Variants in PTPRD observed in about 807,000 individuals in gnomAD.
The protein encoded by PTPRD is receptor-type tyrosine-protein phosphatase delta.
Under a neutral mutation model 214.5 loss-of-function variants are expected in PTPRD, and 34 were observed. The observed-to-expected ratio is 0.16, with a 90% CI of 0.12 to 0.21. PTPRD has a LOEUF of 0.21. Among genes scored for constraint, PTPRD ranks in the 10% least tolerant of loss-of-function variants. The pLI is 1.00. For synonymous variants in PTPRD, 1,128 were observed against 845.7 expected (o/e 1.33, Z -5.79); for missense variants, 2,545 against 2,398.7 (o/e 1.06, Z -1.27).
chr9:9,266,553 C>T (rs1939798611), intron 9 of PTPRD, among the ~76,000 whole-genome samples: 2 of 150,818 alleles, frequency 1.3e-5, no homozygotes, highest in Non-Finnish European at 3.0e-5. Context: ...CAAGCATCTT[C>T]ACTGACCACC....
At chr9:10,097,124 T>A (rs917922690) in intron 3 of PTPRD, among the ~76,000 whole-genome samples, 16 of 148,166 alleles carry the variant, frequency 1.1e-4, no homozygotes, top group Non-Finnish European at 2.1e-4. Context: ...AGTACCATGC[T>A]GTTTTGGTTA....
chr9:10,363,997 T>G (rs112528619), intron 2 of PTPRD, among the ~76,000 whole-genome samples: 143 of 31,208 alleles, frequency 4.6e-3, no homozygotes, highest in Non-Finnish European at 0.013. Flanking sequence ...TCGGGTTTTT[T>G]TTTTTTTTTT....
intron 21 of PTPRD, 100 bp downstream of exon 21, chr9:8,517,748 A>T: frequency 9.5e-7 from 1 of 1,048,136 alleles, no homozygotes; most frequent in Non-Finnish European, 1.4e-6. Flanking sequence ...CTCAAAAATT[A>T]AAATTCATAC....
intron 39 of PTPRD, among the ~76,000 whole-genome samples, chr9:8,364,796 C>A (rs2079390272): frequency 6.6e-6 from 1 of 152,240 alleles, no homozygotes; most frequent in Non-Finnish European, 1.5e-5. Flanking sequence ...ATTCAGGGTG[C>A]TCCCTGGCTA....
At chr9:8,650,965 C>T (rs2096795436) in intron 12 of PTPRD, among the ~76,000 whole-genome samples, 1 of 151,820 alleles carries the variant, frequency 6.6e-6, no homozygotes, top group African/African-American at 2.4e-5. Flanking sequence ...CAAATATTCT[C>T]ATTCAGTATC....
chr9:10,595,726 T>A (rs1283744939), intron 2 of PTPRD, among the ~76,000 whole-genome samples: 1 of 151,714 alleles, frequency 6.6e-6, no homozygotes, highest in Non-Finnish European at 1.5e-5. Context: ...CCAAAGCACA[T>A]CTTAAAGTGG....
Position 9,125,093 on chromosome 9 carries a change from C to A in PTPRD, c.-143+58211G>T, listed in dbSNP as rs1238949795. On this transcript the variant is annotated intron_variant, in intron 10 of 45. Transcript: ENST00000381196. ...AGCTTCTCAGTCTAACAGAAAAAGACAAATGTAAAAAGAAAAAAACCCATG... is the reference window on the plus strand; with the variant it reads ...AGCTTCTCAGTCTAACAGAAAAAGAAAAATGTAAAAAGAAAAAAACCCATG... Among the ~76,000 whole-genome samples, 6 of 152,078 alleles carry A rather than the reference C, an allele frequency of 3.9e-5. No homozygotes were observed. The East Asian group carries it at 1.2e-3, about 29-fold the overall frequency.
chr9:9,392,705 C>T (rs2066294834), intron 9 of PTPRD, among the ~76,000 whole-genome samples: 1 of 152,134 alleles, frequency 6.6e-6, no homozygotes, highest in African/African-American at 2.4e-5. Context: ...TTCTATAATG[C>T]ATTTCTTCTT....
At chr9:9,376,597 C>G (rs774153157) in intron 9 of PTPRD, among the ~76,000 whole-genome samples, 90 of 152,130 alleles carry the variant, frequency 5.9e-4, no homozygotes, top group South Asian at 1.9e-3. Context: ...TGAAACATTT[C>G]CTAAACACTG....
chr9:8,998,189 A>T (rs1351946417), intron 11 of PTPRD, among the ~76,000 whole-genome samples: 1 of 152,100 alleles, frequency 6.6e-6, no homozygotes, highest in East Asian at 1.9e-4. Flanking sequence ...AATGCAGACA[A>T]ACAGGCTTCT....
At chr9:10,583,116 G>T (rs547779083) in intron 2 of PTPRD, among the ~76,000 whole-genome samples, 1 of 152,304 alleles carries the variant, frequency 6.6e-6, no homozygotes, top group South Asian at 2.1e-4. Flanking sequence ...GGGTGATGCA[G>T]CAGTTAGAAC....
At chr9:9,628,095 C>T (rs761200925) in intron 7 of PTPRD, among the ~76,000 whole-genome samples, 5 of 152,190 alleles carry the variant, frequency 3.3e-5, no homozygotes, top group South Asian at 2.1e-4. Flanking sequence ...TTGTTTCTCA[C>T]AGATTTGCCT....
At chr9:9,295,540 G>T (rs1024379532) in intron 9 of PTPRD, among the ~76,000 whole-genome samples, 4 of 151,760 alleles carry the variant, frequency 2.6e-5, no homozygotes, top group South Asian at 2.1e-4. Context: ...ATACTTTATT[G>T]CAAGGGTAGC....
At chr9:8,979,520 G>A (rs2099294581) in intron 11 of PTPRD, among the ~76,000 whole-genome samples, 2 of 151,992 alleles carry the variant, frequency 1.3e-5, no homozygotes, top group Non-Finnish European at 2.9e-5. Flanking sequence ...AATTTATAAA[G>A]AACTCTTACA....
chr9:9,802,593 A>G (rs2099048063), intron 5 of PTPRD, among the ~76,000 whole-genome samples: 1 of 151,840 alleles, frequency 6.6e-6, no homozygotes, highest in Non-Finnish European at 1.5e-5. Flanking sequence ...TTTGTGGGAA[A>G]GCTTAGCCAT....
At chr9:10,299,160 A>G (rs1404676897) in intron 3 of PTPRD, among the ~76,000 whole-genome samples, 1 of 152,150 alleles carries the variant, frequency 6.6e-6, no homozygotes, top group Non-Finnish European at 1.5e-5. Context: ...TTTAATATTC[A>G]CATTTTAAAA....
At chr9:8,826,078 T>C (rs2097169302) in intron 11 of PTPRD, among the ~76,000 whole-genome samples, 1 of 152,144 alleles carries the variant, frequency 6.6e-6, no homozygotes, top group Admixed American at 6.5e-5. Flanking sequence ...GTTGCTCTGG[T>C]TCACAGGCCT....
intron 9 of PTPRD, among the ~76,000 whole-genome samples, chr9:9,321,246 G>C (rs561742554): frequency 6.6e-6 from 1 of 152,250 alleles, no homozygotes; most frequent in South Asian, 2.1e-4. Context: ...TATCTCCAAA[G>C]CTCAGAATTC....
In PTPRD at chr9:10,603,191, G is replaced by A. The variant is rs541675820; in HGVS notation, c.-600+9207C>T. On this transcript the variant is annotated intron_variant, in intron 2 of 45. Transcript: ENST00000381196. ...CCAGGGAAAGGCAGAGAGCACAGCA[G>A]GTTCTCTTTCTGACAGATTGGAAAT... Among the ~76,000 whole-genome samples, 32 of 151,914 alleles carry A rather than the reference G, an allele frequency of 2.1e-4. 1 individual carries two copies. The highest frequency in any genetic ancestry group is 5.5e-4 in the African/African-American group (23 of 41,490).
Sources: allele counts gnomAD v4.1 joint callset (sites outside exome capture counted in the v4.1 genomes callset), GRCh38; gene constraint gnomAD v4.1.1; transcripts MANE v1.5; gene names NCBI Gene and HGNC (gene_info 2026-07-23, HGNC 2026-07-21).